PRKAG2: variants seen among roughly 807,000 people sequenced by gnomAD.
PRKAG2 encodes the protein protein kinase AMP-activated non-catalytic subunit gamma 2, also known as 5'-AMP-activated protein kinase subunit gamma-2.
A neutral mutation model predicts 69.6 loss-of-function variants in PRKAG2; 26 were observed. The ratio of observed to expected loss-of-function variants is 0.37; its 90% CI spans 0.27 to 0.52. The LOEUF (loss-of-function observed/expected upper bound fraction) is 0.52. Among genes scored for constraint, PRKAG2 ranks in the 20% least tolerant of loss-of-function variants. The probability of loss-of-function intolerance (pLI) is 0.90; values close to 1 mark genes in which losing one functional copy is unlikely to be tolerated. For synonymous variants in PRKAG2, 293 were observed against 285.0 expected (o/e 1.03, Z -0.28); for missense variants, 557 against 740.0 (o/e 0.75, Z 2.87).
chr7:151,648,312 C>T (rs1827892795), intron 4 of PRKAG2, among the ~76,000 whole-genome samples: 1 of 152,140 alleles, frequency 6.6e-6, no homozygotes, highest in African/African-American at 2.4e-5. Flanking sequence ...TTTGCTGTTT[C>T]AGATATATTT....
intron 1 of PRKAG2, chr7:151,810,826 G>C (rs1240080088): frequency 6.5e-6 from 1 of 153,710 alleles, no homozygotes; most frequent in Non-Finnish European, 1.5e-5. Flanking sequence ...CCTAAGTCTG[G>C]CTTTGCTTTT....
At chr7:151,724,848 C>A (rs1797680980) in intron 3 of PRKAG2, among the ~76,000 whole-genome samples, 2 of 152,042 alleles carry the variant, frequency 1.3e-5, no homozygotes, top group Non-Finnish European at 2.9e-5. Context: ...GAAAGCACCC[C>A]CCGAGCCTAG....
At chr7:151,731,094 C>T (rs966157280) in intron 3 of PRKAG2, among the ~76,000 whole-genome samples, 2 of 152,220 alleles carry the variant, frequency 1.3e-5, no homozygotes, top group Non-Finnish European at 2.9e-5. Flanking sequence ...GGTGAAAGCG[C>T]TACTACAGTC....
At chr7:151,557,646 G>T (rs1460414646) in intron 15 of PRKAG2, 1 of 714,838 alleles carries the variant, frequency 1.4e-6, no homozygotes, top group Non-Finnish European at 1.7e-6. Context: ...GAGGCGGGCG[G>T]ATCACCTGAG....
intron 3 of PRKAG2, among the ~76,000 whole-genome samples, chr7:151,736,801 T>C (rs1486972187): frequency 1.3e-5 from 2 of 152,222 alleles, no homozygotes; most frequent in African/African-American, 4.8e-5. Context: ...ATTTGAGCTC[T>C]GGACTTGCTG....
At chr7:151,702,999 T>C (rs1044319104) in intron 3 of PRKAG2, among the ~76,000 whole-genome samples, 5 of 152,186 alleles carry the variant, frequency 3.3e-5, no homozygotes, top group Non-Finnish European at 7.3e-5. Flanking sequence ...CATGTACTAC[T>C]CACCTCTGCT....
rs1554605694 is a variant in PRKAG2, at chr7:151,802,962, A to ATATT, written c.115-16422_115-16421insAATA. On this transcript the variant is annotated intron_variant, in intron 1 of 15. Coordinates refer to ENST00000287878, the MANE Select transcript of PRKAG2 (RefSeq NM_016203.4). ...TATAAGCAATATGATATATATATAT[A>ATATT]TTTTTTTTTTTTTGAGACAGGGTCT... Among the ~76,000 whole-genome samples the ATATT allele has an allele frequency of 4.7e-3, 613 of 131,562 alleles. 4 individuals carry two copies. Among genetic ancestry groups the ATATT allele is most frequent in the Non-Finnish European group, 5.8e-3 (364 of 62,316 alleles). The allele number at this position is 131,562 out of a possible 152,430, so 86.3% of individuals were successfully genotyped here. A position where few individuals can be genotyped will look rare whatever the true frequency, so the allele number is the denominator to read the frequency against.
At chr7:151,845,148 G>A (rs781220967) in intron 1 of PRKAG2, among the ~76,000 whole-genome samples, 6 of 151,692 alleles carry the variant, frequency 4.0e-5, no homozygotes, top group African/African-American at 9.7e-5. Flanking sequence ...ATCACTGCTC[G>A]GCATCCCTCT....
intron 3 of PRKAG2, among the ~76,000 whole-genome samples, chr7:151,761,958 C>T (rs1311088998): frequency 6.6e-6 from 1 of 152,226 alleles, no homozygotes; most frequent in African/African-American, 2.4e-5. Context: ...TCTTAAATCC[C>T]TAGCCGACTT....
In PRKAG2 at chr7:151,863,076, G is replaced by A. The variant is rs145383917; in HGVS notation, c.114+13431C>T. On this transcript the variant is annotated intron_variant, in intron 1 of 15. Coordinates refer to ENST00000287878, the MANE Select transcript of PRKAG2 (RefSeq NM_016203.4). ...AGGGGGCGCTGGTAGATCCCTGGGT[G>A]CAGGGGGCGCTGGTAGGTCCCCGGG... Among the ~76,000 whole-genome samples the A allele has an allele frequency of 9.7e-3, 1,424 of 146,818 alleles. 23 individuals carry two copies. The highest frequency in any genetic ancestry group is 0.034 in the African/African-American group (1,328 of 39,472).
intron 3 of PRKAG2, among the ~76,000 whole-genome samples, chr7:151,740,073 G>T (rs1252762630): frequency 2.0e-5 from 3 of 152,196 alleles, no homozygotes. Context: ...CTACAGCAAG[G>T]CACCTGCTTT....
chr7:151,718,841 C>T (rs1317611399), intron 3 of PRKAG2, among the ~76,000 whole-genome samples: 1 of 152,066 alleles, frequency 6.6e-6, no homozygotes, highest in Non-Finnish European at 1.5e-5. Context: ...AACCAGAAGG[C>T]AGGTCTGCCC....
intron 3 of PRKAG2, among the ~76,000 whole-genome samples, chr7:151,718,095 T>C (rs2536076): frequency 0.15 from 22,480 of 152,194 alleles, 2,424 homozygotes; most frequent in East Asian, 0.49. Context: ...GAGCAGACAC[T>C]ATCTTAGTCA....
intron 15 of PRKAG2, 33 bp downstream of exon 15, chr7:151,560,491 G>T: frequency 6.2e-7 from 1 of 1,613,826 alleles, no homozygotes; most frequent in Non-Finnish European, 8.5e-7. Flanking sequence ...CTTCCTAGAC[G>T]CCGATGGCAA....
Position 151,558,499 on chromosome 7 carries a change from G to T in PRKAG2, c.1679-1267C>A, listed in dbSNP as rs374015833. Reference sequence around the variant, plus strand: ...AAATTGGGGCTGAAGGAGGTGAAGCGACTTGCTTACATTCAGACAGCGCTC... The same window carrying T: ...AAATTGGGGCTGAAGGAGGTGAAGCTACTTGCTTACATTCAGACAGCGCTC... On this transcript the variant is annotated intron_variant, in intron 15 of 15. Coordinates refer to ENST00000287878, the MANE Select transcript of PRKAG2 (RefSeq NM_016203.4). 4.1e-6 allele frequency: 4 copies of T among 972,856 alleles called. No homozygotes were observed. The Admixed American group carries it at 1.8e-4, about 45-fold the overall frequency. The allele number at this position is 972,856 out of a possible 1,614,324, so 60.3% of individuals were successfully genotyped here.
chr7:151,697,224 G>A (rs1372391704), intron 3 of PRKAG2, among the ~76,000 whole-genome samples: 2 of 152,116 alleles, frequency 1.3e-5, no homozygotes, highest in Non-Finnish European at 2.9e-5. Flanking sequence ...ACACCCTGGG[G>A]TGGTCAAGGC....
chr7:151,869,717 C>A (rs2080168003), intron 1 of PRKAG2, among the ~76,000 whole-genome samples: 1 of 152,234 alleles, frequency 6.6e-6, no homozygotes, highest in South Asian at 2.1e-4. Context: ...CGGCATTGGG[C>A]CAATGTGCCG....
At chr7:151,803,358 A>G (rs1183826663) in intron 1 of PRKAG2, among the ~76,000 whole-genome samples, 1 of 152,168 alleles carries the variant, frequency 6.6e-6, no homozygotes, top group Non-Finnish European at 1.5e-5. Context: ...GGCGATCTTT[A>G]TCATATTGGG....
At chr7:151,617,282 A>AGGG (rs1820390687) in intron 5 of PRKAG2, among the ~76,000 whole-genome samples, 1 of 7,150 alleles carries the variant, frequency 1.4e-4, no homozygotes, top group African/African-American at 5.9e-4. Flanking sequence ...GAGGGAGGGA[A>AGGG]AGAGGGAGGG....
Sources: gnomAD v4.1 joint callset for allele counts (sites outside exome capture counted in the v4.1 genomes callset) on GRCh38, gnomAD v4.1.1 for gene constraint, MANE v1.5 for transcripts, NCBI Gene and HGNC (gene_info 2026-07-23, HGNC 2026-07-21) for gene names.